COX7B2: variants seen among roughly 807,000 people sequenced by gnomAD.
COX7B2 encodes the protein cytochrome c oxidase subunit 7B2, mitochondrial.
For missense variants in COX7B2, 109 were observed against 95.9 expected, an observed-to-expected ratio of 1.14 and a Z score of -0.57; for synonymous variants, 37 against 32.1, an observed-to-expected ratio of 1.15 and a Z score of -0.51.
At chr4:46,813,758 T>C (rs2109669685) in intron 2 of COX7B2, among the ~76,000 whole-genome samples, 1 of 152,086 alleles carries the variant, frequency 6.6e-6, no homozygotes, top group Non-Finnish European at 1.5e-5. Context: ...AAGAGACAAC[T>C]TGTAAGGCTG....
intron 1 of COX7B2, among the ~76,000 whole-genome samples, chr4:46,850,929 G>A (rs1046179096): frequency 2.0e-5 from 3 of 151,968 alleles, no homozygotes; most frequent in African/African-American, 4.8e-5. Context: ...AATGAGGACC[G>A]GTTCAACTTA....
chr4:46,779,601 A>AT (rs1284668042), intron 2 of COX7B2, among the ~76,000 whole-genome samples: 1 of 152,196 alleles, frequency 6.6e-6, no homozygotes, highest in Non-Finnish European at 1.5e-5. Context: ...CAGAACCTCC[A>AT]TATTGTTTTC....
At chr4:46,878,512 T>C (rs942097707) in intron 1 of COX7B2, among the ~76,000 whole-genome samples, 9 of 151,930 alleles carry the variant, frequency 5.9e-5, no homozygotes, top group African/African-American at 2.2e-4. Context: ...GACACATATA[T>C]ACACATTACA....
chr4:46,829,041 A>G (rs890797333), intron 2 of COX7B2, among the ~76,000 whole-genome samples: 6 of 152,188 alleles, frequency 3.9e-5, no homozygotes, highest in African/African-American at 1.4e-4. Flanking sequence ...TATGAAGACA[A>G]CAGCAGTATT....
chr4:46,886,300 A>G (rs746230002), intron 1 of COX7B2, among the ~76,000 whole-genome samples: 3 of 152,322 alleles, frequency 2.0e-5, no homozygotes, highest in Non-Finnish European at 2.9e-5. Flanking sequence ...TTTTGAGTAC[A>G]TGTGATATTT....
intron 2 of COX7B2, among the ~76,000 whole-genome samples, chr4:46,803,254 T>C (rs1287115998): frequency 6.6e-6 from 1 of 152,188 alleles, no homozygotes; most frequent in Admixed American, 6.5e-5. Context: ...TTGCGCGTAA[T>C]TTCTTCATTC....
chr4:46,882,303 T>C (rs1360847343), intron 1 of COX7B2, among the ~76,000 whole-genome samples: 1 of 152,180 alleles, frequency 6.6e-6, no homozygotes, highest in Admixed American at 6.5e-5. Flanking sequence ...TAAAGGTCTA[T>C]CAGATCCATC....
chr4:46,877,495 A>ATAGT, intron 1 of COX7B2, among the ~76,000 whole-genome samples: 1 of 152,342 alleles, frequency 6.6e-6, no homozygotes, highest in Non-Finnish European at 1.5e-5. Flanking sequence ...AGATCCTGGT[A>ATAGT]TAGTTATTAC....
intron 2 of COX7B2, among the ~76,000 whole-genome samples, chr4:46,771,038 T>C (rs1716847074): frequency 6.6e-6 from 1 of 151,994 alleles, no homozygotes; most frequent in Non-Finnish European, 1.5e-5. Flanking sequence ...ATTTAAGAAA[T>C]GAGAGAAAAT....
chr4:46,739,646 T>C (rs184296050), intron 2 of COX7B2, among the ~76,000 whole-genome samples: 6 of 152,214 alleles, frequency 3.9e-5, no homozygotes, highest in Admixed American at 1.3e-4. Context: ...ATACCTAAGC[T>C]AGATCTTGAA....
rs1189786942 is a variant in COX7B2, at chr4:46,765,972, G to A, written c.-49-30731C>T. On this transcript the variant is annotated intron_variant, in intron 2 of 2. Coordinates refer to ENST00000355591, the MANE Select transcript of COX7B2 (RefSeq NM_130902.3). ...CACTAGGATGGTCTCCGTGGATCCA[G>A]GTGCCAAGCCTGCCCATGTGGATGC... is the stretch of plus-strand genomic sequence containing the variant. Among the ~76,000 whole-genome samples the A allele has an allele frequency of 2.0e-5, 3 of 152,170 alleles. No homozygotes were observed. In the East Asian group the frequency reaches 5.8e-4, roughly 30 times the overall value.
At chr4:46,823,853 G>A (rs1435580598) in intron 2 of COX7B2, among the ~76,000 whole-genome samples, 2 of 150,498 alleles carry the variant, frequency 1.3e-5, no homozygotes, top group African/African-American at 2.4e-5. Context: ...CAAACCTATA[G>A]CAAGACTGAT....
intron 1 of COX7B2, among the ~76,000 whole-genome samples, chr4:46,897,536 C>A (rs1719836486): frequency 6.6e-6 from 1 of 152,128 alleles, no homozygotes; most frequent in African/African-American, 2.4e-5. Context: ...CCAATATGAT[C>A]AGAAAACACA....
chr4:46,856,197 T>C (rs1717001985), intron 1 of COX7B2, among the ~76,000 whole-genome samples: 2 of 151,952 alleles, frequency 1.3e-5, no homozygotes, highest in African/African-American at 4.8e-5. Context: ...TAAGCCAAGA[T>C]CAATGCACTC....
intron 2 of COX7B2, among the ~76,000 whole-genome samples, chr4:46,754,472 C>A (rs2109444762): frequency 7.5e-6 from 1 of 132,730 alleles, no homozygotes; most frequent in East Asian, 2.2e-4. Context: ...GACAAAAAAC[C>A]AAACACTGCA....
At chr4:46,877,295 G>C (rs1335739275) in intron 1 of COX7B2, among the ~76,000 whole-genome samples, 2 of 152,148 alleles carry the variant, frequency 1.3e-5, no homozygotes, top group East Asian at 3.8e-4. Context: ...CCAAATTCAA[G>C]GACATCTGCG....
intron 2 of COX7B2, among the ~76,000 whole-genome samples, chr4:46,802,776 A>G (rs1484657186): frequency 6.6e-6 from 1 of 152,216 alleles, no homozygotes; most frequent in African/African-American, 2.4e-5. Flanking sequence ...AAAGGAAATT[A>G]GAGGAATGTG....
At chr4:46,822,433 CAGAGGAAGAG>C (rs1483011369) in intron 2 of COX7B2, among the ~76,000 whole-genome samples, 1 of 151,822 alleles carries the variant, frequency 6.6e-6, no homozygotes, top group African/African-American at 2.4e-5. Context: ...CTCTGGGGCA[CAGAGGAAGAG>C]AGAAGTATCT....
At chr4:46,904,336 A>C (rs1007927659) in intron 1 of COX7B2, among the ~76,000 whole-genome samples, 1 of 152,212 alleles carries the variant, frequency 6.6e-6, no homozygotes, top group Non-Finnish European at 1.5e-5. Flanking sequence ...TAAAAAGAGC[A>C]GCTAGAACTC....
Sources: allele counts gnomAD v4.1 joint callset (sites outside exome capture counted in the v4.1 genomes callset), GRCh38; gene constraint gnomAD v4.1.1; transcripts MANE v1.5; gene names NCBI Gene and HGNC (gene_info 2026-07-23, HGNC 2026-07-21).